The following SCAI variants were observed in gnomAD, a reference collection of about 807,000 sequenced individuals.
SCAI encodes protein SCAI.
A neutral mutation model predicts 92.2 loss-of-function variants in SCAI; 24 were observed. The ratio of observed to expected loss-of-function variants is 0.26; its 90% confidence interval spans 0.19 to 0.37. SCAI has a LOEUF of 0.37. Ranked by LOEUF, SCAI falls within the 10% of genes least tolerant of loss-of-function variation. The pLI, the probability that SCAI is intolerant of heterozygous loss-of-function variation, is 1.00. For missense variants in SCAI, 450 were observed against 736.2 expected (o/e 0.61, Z 4.50); for synonymous variants, 261 against 258.6 (o/e 1.01, Z -0.09).
chr9:125,134,693 T>A (rs1835480767), intron 2 of SCAI, among the ~76,000 whole-genome samples: 1 of 152,226 alleles, frequency 6.6e-6, no homozygotes, highest in Non-Finnish European at 1.5e-5. Context: ...TGTGTGTGTG[T>A]GAGATGGAGT....
intron 2 of SCAI, among the ~76,000 whole-genome samples, chr9:125,082,358 C>T (rs1834238571): frequency 6.6e-6 from 1 of 152,124 alleles, no homozygotes; most frequent in African/African-American, 2.4e-5. Flanking sequence ...GCCTGGATGC[C>T]CAGGCAGAAG....
At chr9:124,977,686 A>G (rs1831788977) in intron 14 of SCAI, among the ~76,000 whole-genome samples, 1 of 152,200 alleles carries the variant, frequency 6.6e-6, no homozygotes, top group Admixed American at 6.5e-5. Flanking sequence ...AACAAAAAAC[A>G]AAACAAAACA....
At chr9:124,966,049 C>G (rs1165936234) in intron 17 of SCAI, among the ~76,000 whole-genome samples, 1 of 152,180 alleles carries the variant, frequency 6.6e-6, no homozygotes, top group African/African-American at 2.4e-5. Context: ...TACAGTAGTA[C>G]AGTAGGCACT....
intron 9 of SCAI, among the ~76,000 whole-genome samples, chr9:125,015,571 C>T (rs1457837896): frequency 6.6e-6 from 1 of 152,194 alleles, no homozygotes; most frequent in Non-Finnish European, 1.5e-5. Context: ...AACACTTTTA[C>T]ACTATTGGTG....
At chr9:125,047,828 G>A (rs773681904) in intron 3 of SCAI, among the ~76,000 whole-genome samples, 3 of 152,054 alleles carry the variant, frequency 2.0e-5, no homozygotes, top group South Asian at 4.1e-4. Context: ...TTTCTCTATC[G>A]ATTTATGATG....
intron 2 of SCAI, among the ~76,000 whole-genome samples, chr9:125,067,054 T>C (rs1588193426): frequency 6.6e-6 from 1 of 152,124 alleles, no homozygotes; most frequent in African/African-American, 2.4e-5. Flanking sequence ...CATATCCCTG[T>C]TGTTAAGCAA....
chr9:125,073,822 CT>C (rs1256235951), intron 2 of SCAI, among the ~76,000 whole-genome samples: 2 of 152,174 alleles, frequency 1.3e-5, no homozygotes, highest in Non-Finnish European at 2.9e-5. Flanking sequence ...TTTAATCACT[CT>C]GAAAGGTTTC....
intron 9 of SCAI, among the ~76,000 whole-genome samples, chr9:125,007,046 G>C (rs528126882): frequency 2.6e-5 from 4 of 152,102 alleles, no homozygotes; most frequent in Non-Finnish European, 4.4e-5. Context: ...CTGAACCAGG[G>C]AGGCAGAAGA....
intron 3 of SCAI, among the ~76,000 whole-genome samples, chr9:125,049,941 T>G (rs1304628889): frequency 6.6e-6 from 1 of 152,194 alleles, no homozygotes; most frequent in Non-Finnish European, 1.5e-5. Flanking sequence ...ATGGATGTAT[T>G]CAGTTTCTTA....
At chr9:125,018,316 G>C (rs146051820) in intron 9 of SCAI, among the ~76,000 whole-genome samples, 2,788 of 152,054 alleles carry the variant, frequency 0.018, 83 homozygotes, top group African/African-American at 0.062. Flanking sequence ...GGCTGGTCTT[G>C]AACTCCTGAC....
intron 2 of SCAI, among the ~76,000 whole-genome samples, chr9:125,078,442 C>T (rs2492051): frequency 0.23 from 35,586 of 151,976 alleles, 4,688 homozygotes; most frequent in Non-Finnish European, 0.3. Context: ...GCAGGAGAAT[C>T]GCTTGAACCC....
In SCAI at chr9:124,999,930, G is replaced by C. The variant is rs375628930; in HGVS notation, c.1205C>G (p.Ala402Gly). 1 of 1,596,540 alleles carries C rather than the reference G, an allele frequency of 6.3e-7. No individual in the cohort carries two copies. The highest frequency in any genetic ancestry group is 1.4e-5 in the African/African-American group (1 of 74,052). ...NSNRDIINGD[A>G]IHKRNQSHKE... ...GTGGGACTGATTTCGTTTGTGGATG[G>C]CATCTCCATTAATAATATCCCGGTT... Residue 402 changes from alanine to glycine, a missense_variant, in exon 13 of 18, where the codon GCC (alanine) becomes GGC (glycine). Ala to Gly is a moderately conservative substitution (Grantham distance 60, BLOSUM62 0). Transcript: ENST00000336505.
chr9:124,979,408 C>T (rs1212231726), intron 14 of SCAI, among the ~76,000 whole-genome samples: 2 of 151,612 alleles, frequency 1.3e-5, no homozygotes, highest in Admixed American at 6.6e-5. Context: ...GGCATGGTGG[C>T]GTGTGCTTGT....
In SCAI at chr9:125,099,957, G is replaced by C. The variant is rs183597275; in HGVS notation, c.98+42676C>G. On this transcript the variant is annotated intron_variant, in intron 2 of 17. Transcript: ENST00000336505. ...ATCTATATCAATGGACATCCGGGTTGTGTGCACCTTTTGGCCATTGTGAAT... is the reference window on the plus strand; with the variant it reads ...ATCTATATCAATGGACATCCGGGTTCTGTGCACCTTTTGGCCATTGTGAAT... Among the ~76,000 whole-genome samples, 233 of 152,342 alleles carry C rather than the reference G, an allele frequency of 1.5e-3. 3 individuals carry two copies. The highest frequency in any genetic ancestry group is 5.4e-3 in the African/African-American group (226 of 41,578).
intron 2 of SCAI, among the ~76,000 whole-genome samples, chr9:125,085,824 G>C (rs1834315181): frequency 6.6e-6 from 1 of 152,136 alleles, no homozygotes; most frequent in Non-Finnish European, 1.5e-5. Flanking sequence ...GCCACCTAGA[G>C]GGTTAAAATG....
intron 2 of SCAI, among the ~76,000 whole-genome samples, chr9:125,068,129 C>T (rs972896797): frequency 1.1e-4 from 17 of 152,170 alleles, no homozygotes; most frequent in African/African-American, 4.1e-4. Context: ...ATTTCTGTTG[C>T]TAACACTTAG....
At chr9:125,059,759 T>A (rs1050053205) in intron 2 of SCAI, among the ~76,000 whole-genome samples, 3 of 152,196 alleles carry the variant, frequency 2.0e-5, no homozygotes, top group Admixed American at 1.3e-4. Flanking sequence ...CAAGAACTGG[T>A]GAAGAATCAC....
At chr9:125,047,366 T>C (rs1199023255) in intron 3 of SCAI, among the ~76,000 whole-genome samples, 1 of 152,182 alleles carries the variant, frequency 6.6e-6, no homozygotes, top group African/African-American at 2.4e-5. Context: ...ACCTTGATCT[T>C]GGACTTCCGG....
At chr9:125,129,974 C>T (rs1835364207) in intron 2 of SCAI, among the ~76,000 whole-genome samples, 1 of 151,724 alleles carries the variant, frequency 6.6e-6, no homozygotes, top group African/African-American at 2.4e-5. Flanking sequence ...TCTCGGCTCA[C>T]TGCAACCTCC....
Sources: gnomAD v4.1 joint callset for allele counts (sites outside exome capture counted in the v4.1 genomes callset) on GRCh38, gnomAD v4.1.1 for gene constraint, MANE v1.5 for transcripts, NCBI Gene and HGNC (gene_info 2026-07-23, HGNC 2026-07-21) for gene names.